ANGPT1: variants seen among roughly 807,000 people sequenced by gnomAD.
ANGPT1 encodes the protein angiopoietin-1.
Under a neutral mutation model 62.2 loss-of-function variants are expected in ANGPT1, and 17 were observed. That is an observed-to-expected ratio of 0.27 (90% confidence interval 0.19 to 0.41). The LOEUF is 0.41. ANGPT1 is among the 10% of genes least tolerant of loss of function. The pLI, the probability that ANGPT1 is intolerant of heterozygous loss-of-function variation, is 1.00. For missense variants in ANGPT1, 478 were observed against 594.9 expected (o/e 0.80, Z 2.04); for synonymous variants, 199 against 198.9 (o/e 1.00, Z 0.00).
At chr8:107,300,118 G>GTA (rs1171955156) in intron 5 of ANGPT1, among the ~76,000 whole-genome samples, 1 of 141,612 alleles carries the variant, frequency 7.1e-6, no homozygotes, top group Non-Finnish European at 1.5e-5. Flanking sequence ...TCTATATATA[G>GTA]TATATATATA....
chr8:107,391,535 C>T (rs1816835772), intron 1 of ANGPT1, among the ~76,000 whole-genome samples: 1 of 152,028 alleles, frequency 6.6e-6, no homozygotes, highest in Non-Finnish European at 1.5e-5. Context: ...GGCGTGGTGG[C>T]AGGTGCCTTT....
At chr8:107,354,504 A>G (rs1024639469) in intron 1 of ANGPT1, among the ~76,000 whole-genome samples, 11 of 152,326 alleles carry the variant, frequency 7.2e-5, no homozygotes, top group Admixed American at 2.6e-4. Context: ...TCCTTGATTT[A>G]AAACTTCCTT....
chr8:107,394,667 G>A (rs944470748), intron 1 of ANGPT1, among the ~76,000 whole-genome samples: 2 of 152,124 alleles, frequency 1.3e-5, no homozygotes, highest in Admixed American at 6.6e-5. Context: ...TGTCACTAAC[G>A]CTATTTATCC....
chr8:107,307,838 A>G (rs945769702), intron 4 of ANGPT1, among the ~76,000 whole-genome samples: 3 of 152,128 alleles, frequency 2.0e-5, no homozygotes, highest in African/African-American at 7.2e-5. Context: ...CTTCAGATTC[A>G]TATATCTACT....
chr8:107,343,692 T>A (rs1325385131), intron 2 of ANGPT1, among the ~76,000 whole-genome samples: 1 of 152,178 alleles, frequency 6.6e-6, no homozygotes, highest in East Asian at 1.9e-4. Context: ...TTTGCCACAT[T>A]AACTCAAACT....
At chr8:107,388,298 C>T (rs1586280607) in intron 1 of ANGPT1, among the ~76,000 whole-genome samples, 1 of 152,024 alleles carries the variant, frequency 6.6e-6, no homozygotes, top group Non-Finnish European at 1.5e-5. Context: ...ACCTACGGTC[C>T]TAGCTACTTC....
At chr8:107,391,598 C>G (rs1168578173) in intron 1 of ANGPT1, among the ~76,000 whole-genome samples, 4 of 152,236 alleles carry the variant, frequency 2.6e-5, no homozygotes, top group Non-Finnish European at 2.9e-5. Context: ...ACCCGAGAGG[C>G]TGAGGTTGGA....
At chr8:107,262,766 A>G (rs965351813) in intron 8 of ANGPT1, among the ~76,000 whole-genome samples, 5 of 152,198 alleles carry the variant, frequency 3.3e-5, no homozygotes, top group African/African-American at 1.2e-4. Flanking sequence ...AAACACTGAA[A>G]TAGGAATTTC....
chr8:107,488,026 A>G (rs1412330714), intron 1 of ANGPT1, among the ~76,000 whole-genome samples: 2 of 152,228 alleles, frequency 1.3e-5, no homozygotes, highest in Non-Finnish European at 2.9e-5. Context: ...CTATCATACA[A>G]TTGTATAATT....
At position 107,321,970 on chromosome 8, in the gene ANGPT1, C is replaced by G. The variant is rs182508127; in HGVS notation, c.734G>C (p.Ser245Thr). ...KQLNRATTNN[S>T]VLQKQQLELM... is the part of the protein sequence containing the mutation. ...CTCCAGTTGCTGCTTCTGAAGGACACTGTTGTTGGTGGTAGCTCTGTTTAA... is the reference window on the plus strand; with the variant it reads ...CTCCAGTTGCTGCTTCTGAAGGACAGTGTTGTTGGTGGTAGCTCTGTTTAA... The change falls in exon 4 of 9, where the codon AGT (serine) becomes ACT (threonine). Residue 245 changes from serine (S) to threonine (T), a missense_variant. Ser to Thr is a moderately conservative substitution (Grantham distance 58, BLOSUM62 1). Around this residue, in one of 4 missense-constraint regions of ANGPT1, gnomAD observed 343 missense variants for 355.4 expected, o/e 0.97. Coordinates refer to ENST00000517746, the MANE Select transcript of ANGPT1 (RefSeq NM_001146.5). 2 of 1,613,854 alleles carry G rather than the reference C, an allele frequency of 1.2e-6. No homozygotes were observed. The highest frequency in any genetic ancestry group is 1.7e-6 in the Non-Finnish European group (2 of 1,179,920).
At chr8:107,371,644 T>C (rs964056452) in intron 1 of ANGPT1, among the ~76,000 whole-genome samples, 1 of 146,856 alleles carries the variant, frequency 6.8e-6, no homozygotes, top group Admixed American at 7.1e-5. Flanking sequence ...TGGCACAATC[T>C]TGGCTCACTG....
intron 1 of ANGPT1, among the ~76,000 whole-genome samples, chr8:107,480,819 T>G (rs1812656414): frequency 6.6e-6 from 1 of 152,136 alleles, no homozygotes; most frequent in Non-Finnish European, 1.5e-5. Context: ...CTTTGAAGAA[T>G]TGTAACAGGA....
chr8:107,427,409 C>T (rs1424922028), intron 1 of ANGPT1, among the ~76,000 whole-genome samples: 1 of 152,134 alleles, frequency 6.6e-6, no homozygotes, highest in Non-Finnish European at 1.5e-5. Flanking sequence ...GAAGCAGATG[C>T]TGTTTCCTGA....
At chr8:107,365,714 T>C (rs1253763200) in intron 1 of ANGPT1, among the ~76,000 whole-genome samples, 1 of 152,080 alleles carries the variant, frequency 6.6e-6, no homozygotes, top group Non-Finnish European at 1.5e-5. Context: ...ATAGATGCAA[T>C]CACTAGAAGA....
At chr8:107,328,020 T>G (rs1815329869) in intron 3 of ANGPT1, among the ~76,000 whole-genome samples, 3 of 152,092 alleles carry the variant, frequency 2.0e-5, no homozygotes, top group Admixed American at 2.0e-4. Context: ...TTTCCCACAA[T>G]AGAGTTCTTA....
chr8:107,370,369 AAAG>A lies in ANGPT1; in HGVS notation c.298-23275_298-23273del, dbSNP rs1384514591. Among the ~76,000 whole-genome samples, 206 of 33,988 alleles carry A rather than the reference AAAG, an allele frequency of 6.1e-3. 55 individuals carry two copies. In the East Asian group the frequency reaches 0.12, roughly 19 times the overall value. The allele number at this position is 33,988 out of a possible 152,430, so 22.3% of individuals were successfully genotyped here. On this transcript the variant is annotated intron_variant, in intron 1 of 8. Coordinates refer to ENST00000517746, the MANE Select transcript of ANGPT1 (RefSeq NM_001146.5). The stretch of plus-strand genomic sequence containing the variant: ...GAAAGAAAGAAAGAAAGAAAGAAAG[AAAG>A]AAAGAAAGAAAGAAAGAAAGAAAGA...
At chr8:107,448,476 AAG>A (rs950760679) in intron 1 of ANGPT1, among the ~76,000 whole-genome samples, 1 of 152,188 alleles carries the variant, frequency 6.6e-6, no homozygotes, top group Non-Finnish European at 1.5e-5. Flanking sequence ...TATCTAGTAA[AAG>A]AGCAAAATTT....
At chr8:107,478,807 C>T (rs891048657) in intron 1 of ANGPT1, among the ~76,000 whole-genome samples, 4 of 152,090 alleles carry the variant, frequency 2.6e-5, no homozygotes, top group African/African-American at 9.7e-5. Flanking sequence ...AAATTGAGGA[C>T]AATAACAGTA....
At chr8:107,329,076 A>T (rs940877611) in intron 3 of ANGPT1, among the ~76,000 whole-genome samples, 9 of 152,156 alleles carry the variant, frequency 5.9e-5, no homozygotes, top group Admixed American at 2.6e-4. Context: ...CCCCAATGAT[A>T]AAATAATCTA....
Sources: allele counts gnomAD v4.1 joint callset (sites outside exome capture counted in the v4.1 genomes callset), GRCh38; gene constraint gnomAD v4.1.1; regional missense constraint gnomAD v4.1.1; transcripts MANE v1.5; gene names NCBI Gene and HGNC (gene_info 2026-07-23, HGNC 2026-07-21).